The following LCN6 variants were observed in gnomAD, a reference collection of about 807,000 sequenced individuals.
The protein encoded by LCN6 is epididymal-specific lipocalin-6.
A neutral mutation model predicts 21.4 loss-of-function variants in LCN6; 20 were observed. The ratio of observed to expected loss-of-function variants is 0.93; its 90% CI spans 0.66 to 1.36. LCN6 has a LOEUF of 1.36. Among genes scored for constraint, LCN6 ranks in the 40% most tolerant of loss-of-function variants. The pLI, the probability that LCN6 is intolerant of heterozygous loss-of-function variation, is 0.00. For synonymous variants in LCN6, 96 were observed against 89.0 expected (o/e 1.08, Z -0.44); for missense variants, 217 against 206.6 (o/e 1.05, Z -0.31).
Position 136,745,036 on chromosome 9 carries a change from C to T in LCN6, c.412+134G>A, listed in dbSNP as rs1198946643. ...CACCACACAGCTCCCCACATGGCCC[C>T]CGAGCGGCCCACTCACCACACAGCT... On this transcript the variant is annotated intron_variant, in intron 4 of 6. Transcript: ENST00000341206. 3.6e-6 allele frequency: 3 copies of T among 842,248 alleles called. No homozygotes were observed. The African/African-American group carries it at 5.2e-5, about 15-fold the overall frequency. 52.2% of individuals were successfully genotyped at this position (842,248 alleles called of 1,614,324 possible).
rs1173932084 is a variant in LCN6 at position 136,745,661 on chromosome 9, C to G, written c.301+183G>C. On this transcript the variant is annotated intron_variant, in intron 3 of 6. Transcript: ENST00000341206. ...CACTGGTGTCTGAGCCTGCTGGGAA[C>G]AAGGTTCCAATCCTCTGTCCAGGGG... The G allele has an allele frequency of 6.2e-6, 4 of 644,946 alleles. No individual in the cohort carries two copies. In the African/African-American group the frequency reaches 7.3e-5, roughly 12 times the overall value. 40.0% of individuals were successfully genotyped at this position (644,946 alleles called of 1,614,324 possible). A position where few individuals can be genotyped will look rare whatever the true frequency, so the allele number is the denominator to read the frequency against.
intron 2 of LCN6, among the ~76,000 whole-genome samples, chr9:136,747,212 G>A (rs1210619349): frequency 6.6e-6 from 1 of 152,204 alleles, no homozygotes; most frequent in African/African-American, 2.4e-5. Context: ...GAAGGTGGGA[G>A]TGCCACCTGG....
In LCN6 at chr9:136,744,741, C is replaced by A; in HGVS notation, c.413G>T (p.Ser138Ile). The change falls in exon 5 of 7, where the codon AGT (serine) becomes ATT (isoleucine). Residue 138 changes from serine to isoleucine, a missense_variant and splice_region_variant. By Grantham distance (142) the Ser-to-Ile change is moderately radical. Transcript: ENST00000341206. The surrounding 1 kb of genome is among the most constrained non-coding windows in gnomAD (Gnocchi z 4.2). ...CTCCTGGCTGGCTGTCTCCGTCAGA[C>A]CTGGGGGCACCAGGGCAGTGCAGGG... ...DEPFNTVELY[S>I]LTETASQEAM... The A allele has an allele frequency of 6.2e-7, 1 of 1,607,176 alleles. No homozygotes were observed. The highest frequency in any genetic ancestry group is 1.3e-5 in the African/African-American group (1 of 74,940).
rs142707928 is a variant in LCN6, at chr9:136,748,423, C to T, written c.61G>A (p.Val21Met). Reference sequence around the variant, plus strand: ...TCAGGGTCCAGTCTTCCCAACCACACGGCCTGGGCCCTGGGCACCGAGACC... The same window carrying T: ...TCAGGGTCCAGTCTTCCCAACCACATGGCCTGGGCCCTGGGCACCGAGACC... ...ALVSVPRAQAVWLGRLDPEQL... is the reference protein window; with the variant it reads ...ALVSVPRAQAMWLGRLDPEQL... The change falls in exon 1 of 7, where the codon GTG (valine) becomes ATG (methionine). Residue 21 changes from valine (V) to methionine (M), a missense_variant. Val to Met is a conservative substitution (Grantham distance 21). Transcript: ENST00000341206. The T allele has an allele frequency of 5.2e-4, 831 of 1,612,990 alleles. No homozygotes were observed. Among genetic ancestry groups the T allele is most frequent in the East Asian group, 5.1e-3 (228 of 44,882 alleles).
Position 136,744,670 on chromosome 9 carries a change from A to T in LCN6, c.484T>A (p.Ser162Thr). The change falls in exon 5 of 7, where the codon TCA becomes ACA. Residue 162 changes from serine (S) to threonine (T), a missense_variant. Ser to Thr is a moderately conservative substitution (Grantham distance 58). Transcript: ENST00000341206. The surrounding 1 kb of genome is among the most constrained non-coding windows in gnomAD (Gnocchi z 4.2). ...TKWSRSLGFL[S>T]Q ...TTCTGCAGCTGGGCCTGCTACTGTGACAGGAAGCCCAGGCTCCTGCTCCAC... is the reference window on the plus strand; with the variant it reads ...TTCTGCAGCTGGGCCTGCTACTGTGTCAGGAAGCCCAGGCTCCTGCTCCAC... 4 of 1,607,948 alleles carry T rather than the reference A, an allele frequency of 2.5e-6. No individual in the cohort carries two copies. Among genetic ancestry groups the T allele is most frequent in the Non-Finnish European group, 3.4e-6 (4 of 1,176,240 alleles).
At position 136,744,519 on chromosome 9, in the gene LCN6, C is replaced by T. The variant is rs1182515386; in HGVS notation, c.*22+121G>A. On this transcript the variant is annotated intron_variant, in intron 5 of 6. Transcript: ENST00000341206. The surrounding 1 kb of genome is among the most constrained non-coding windows in gnomAD (Gnocchi z 4.2). ...ACCCCCTCAGCCTGCCTGACTCCTT[C>T]AGGGCGACTGAGTCAGGCAGAAGCC... is the stretch of plus-strand genomic sequence containing the variant. 2 of 641,562 alleles carry T rather than the reference C, an allele frequency of 3.1e-6. No homozygotes were observed. The highest frequency in any genetic ancestry group is 2.7e-6 in the Non-Finnish European group (1 of 364,088). The allele number at this position is 641,562 out of a possible 1,614,324, so 39.7% of individuals were successfully genotyped here. A position where few individuals can be genotyped will look rare whatever the true frequency, so the allele number is the denominator to read the frequency against.
chr9:136,744,718 CCTGG>C lies in LCN6; in HGVS notation c.432_435del (p.Ser144ArgfsTer51). On this transcript the variant is annotated frameshift_variant, in exon 5 of 7. Transcript: ENST00000341206. LOFTEE classifies it high-confidence loss of function. This position sits in a 1 kb window ranked among gnomAD's most constrained non-coding sequence, Gnocchi z 4.2. ...CACTTGGTGAAGAGCCCCATGGCCT[CCTGG>C]CTGGCTGTCTCCGTCAGACCTGGGG... 6.2e-7 allele frequency: 1 copy of C among 1,610,478 alleles called. No individual in the cohort carries two copies. Among genetic ancestry groups the C allele is most frequent in the Non-Finnish European group, 8.5e-7 (1 of 1,178,352 alleles).
At chr9:136,745,816 T>C (rs762540159) in intron 3 of LCN6, 28 bp downstream of exon 3, 2 of 1,605,364 alleles carry the variant, frequency 1.2e-6, no homozygotes, top group Admixed American at 1.7e-5. Context: ...AAGAACGGCC[T>C]GGGTGAGGCC....
In LCN6 at chr9:136,745,271, A is replaced by G; in HGVS notation, c.311T>C (p.Val104Ala). ...GWVFENPSIG[V>A]LELWVLATNF... Reference sequence around the variant, plus strand: ...GGTGGCCAGCACCCAGAGCTCCAGCACGCCTATTGCTAGGAAACAAAACCC... The same window carrying G: ...GGTGGCCAGCACCCAGAGCTCCAGCGCGCCTATTGCTAGGAAACAAAACCC... Residue 104 changes from valine (V) to alanine (A), a missense_variant, in exon 4 of 7, where the codon GTG becomes GCG. Physicochemically the swap from Val to Ala is moderately conservative, Grantham distance 64. Coordinates refer to ENST00000341206, the MANE Select transcript of LCN6 (RefSeq NM_198946.3). 6.2e-7 allele frequency: 1 copy of G among 1,612,328 alleles called. No homozygotes were observed. Among genetic ancestry groups the G allele is most frequent in the Middle Eastern group, 1.7e-4 (1 of 6,060 alleles).
rs543415391 is a variant in LCN6 at position 136,745,067 on chromosome 9, C to T, written c.412+103G>A. ...GGCCCACTCACCACACAGCTCCCCA[C>T]GCGGCCCCCAAGCGGCCCACGCACC... On this transcript the variant is annotated intron_variant, in intron 4 of 6. Coordinates refer to ENST00000341206, the MANE Select transcript of LCN6 (RefSeq NM_198946.3). 438 of 985,070 alleles carry T rather than the reference C, an allele frequency of 4.4e-4. 1 individual carries two copies. In the African/African-American group the frequency reaches 6.4e-3, roughly 14 times the overall value. The allele number at this position is 985,070 out of a possible 1,614,324, so 61.0% of individuals were successfully genotyped here. A position where few individuals can be genotyped will look rare whatever the true frequency, so the allele number is the denominator to read the frequency against.
rs372413612 is a variant in LCN6 at position 136,745,204 on chromosome 9, G to A, written c.378C>T (p.Phe126=). Residue 126 remains phenylalanine (F), a synonymous_variant, in exon 4 of 7, where the codon TTC becomes TTT. Transcript: ENST00000341206. The stretch of plus-strand genomic sequence containing the variant: ...CCACGGTGTTGAAGGGCTCGTCCCC[G>A]AACTCCAGCTGAGTGAAGATGATGG... ...DYAIIFTQLE[F]GDEPFNTVEL... The A allele has an allele frequency of 2.5e-5, 40 of 1,613,474 alleles. No homozygotes were observed. The highest frequency in any genetic ancestry group is 8.3e-5 in the Admixed American group (5 of 60,014).
rs779186164 is a variant in LCN6, at chr9:136,745,256, A to C, written c.326T>G (p.Val109Gly). 1.2e-6 allele frequency: 2 copies of C among 1,613,454 alleles called. No homozygotes were observed. The highest frequency in any genetic ancestry group is 1.7e-6 in the Non-Finnish European group (2 of 1,179,838). ...ATAGTCTCTGAAGTTGGTGGCCAGC[A>C]CCCAGAGCTCCAGCACGCCTATTGC... The part of the protein sequence containing the change: ...NPSIGVLELW[V>G]LATNFRDYAI... Residue 109 changes from valine to glycine, a missense_variant, in exon 4 of 7, where the codon GTG (valine) becomes GGG (glycine). Transcript: ENST00000341206.
chr9:136,747,196 G>A lies in LCN6; in HGVS notation c.230+228C>T, dbSNP rs117028694. 3.7e-4 allele frequency among the ~76,000 whole-genome samples: 56 copies of A among 152,264 alleles called. No homozygotes were observed. In the East Asian group the frequency reaches 8.7e-3, roughly 24 times the overall value. The stretch of plus-strand genomic sequence containing the variant: ...GCATAGTCAGAGCAGTGCCCGCCGC[G>A]GTATTGAAGGTGGGAGTGCCACCTG... On this transcript the variant is annotated intron_variant, in intron 2 of 6. Coordinates refer to ENST00000341206, the MANE Select transcript of LCN6 (RefSeq NM_198946.3).
At chr9:136,747,991 T>C (rs1387846999) in intron 1 of LCN6, among the ~76,000 whole-genome samples, 6 of 81,734 alleles carry the variant, frequency 7.3e-5, no homozygotes, top group African/African-American at 1.4e-4. Context: ...AGTCTCCAGC[T>C]CTCCAGCCCT....
chr9:136,746,044 C>A, intron 2 of LCN6, 130 bp from the exon 3 acceptor site: 1 of 766,884 alleles, frequency 1.3e-6, no homozygotes, highest in Non-Finnish European at 2.2e-6. Flanking sequence ...TGCCAGATGC[C>A]CCGATGCCCG....
intron 1 of LCN6, among the ~76,000 whole-genome samples, chr9:136,747,961 C>A (rs1847072205): frequency 6.6e-6 from 1 of 150,538 alleles, no homozygotes; most frequent in African/African-American, 2.4e-5. Flanking sequence ...CAACCTCCAG[C>A]CTGCAGCCCT....
Position 136,744,528 on chromosome 9 carries a change from T to G in LCN6, c.*22+112A>C, listed in dbSNP as rs1588300263. ...GCCTGCCTGACTCCTTCAGGGCGAC[T>G]GAGTCAGGCAGAAGCCAGAATCAAC... On this transcript the variant is annotated intron_variant, in intron 5 of 6. Transcript: ENST00000341206. The surrounding 1 kb of genome is among the most constrained non-coding windows in gnomAD (Gnocchi z 4.2). 1 of 669,954 alleles carries G rather than the reference T, an allele frequency of 1.5e-6. No individual in the cohort carries two copies. Among genetic ancestry groups the G allele is most frequent in the Non-Finnish European group, 2.6e-6 (1 of 385,728 alleles). The allele number at this position is 669,954 out of a possible 1,614,324, so 41.5% of individuals were successfully genotyped here. A position where few individuals can be genotyped will look rare whatever the true frequency, so the allele number is the denominator to read the frequency against.
intron 1 of LCN6, 148 bp downstream of exon 1, chr9:136,748,246 C>A: frequency 1.5e-6 from 1 of 677,178 alleles, no homozygotes; most frequent in Non-Finnish European, 2.5e-6. Context: ...GAGGCTCCTG[C>A]CTGTGGGACT....
chr9:136,745,796 T>G, intron 3 of LCN6, 48 bp downstream of exon 3: 1 of 1,520,052 alleles, frequency 6.6e-7, no homozygotes, highest in Non-Finnish European at 9.1e-7. Context: ...GGCCTGGGGA[T>G]GCTGCAGGGA....
Sources: gnomAD v4.1 joint callset for allele counts (sites outside exome capture counted in the v4.1 genomes callset) on GRCh38, gnomAD v4.1.1 for gene constraint, Gnocchi (gnomAD v3.1) non-coding constraint, MANE v1.5 for transcripts, NCBI Gene and HGNC (gene_info 2026-07-23, HGNC 2026-07-21) for gene names.